The following WWOX variants were observed in gnomAD, a reference collection of about 807,000 sequenced individuals.
WWOX encodes the protein WW domain containing oxidoreductase.
In WWOX, 69 loss-of-function variants were observed where a neutral mutation model predicts 46.2. That is an observed-to-expected ratio of 1.49 (90% confidence interval 1.23 to 1.82). The LOEUF (loss-of-function observed/expected upper bound fraction) is 1.82, where lower values mean the gene tolerates loss of function less well. Ranked by LOEUF, WWOX falls within the 40% of genes most tolerant of loss-of-function variation. The pLI, the probability that WWOX is intolerant of heterozygous loss-of-function variation, is 0.00. For missense variants in WWOX, 919 were observed against 542.6 expected (o/e 1.69, Z -6.89); for synonymous variants, 359 against 202.6 (o/e 1.77, Z -6.56).
chr16:78,255,738 C>T (rs892420468), intron 5 of WWOX, among the ~76,000 whole-genome samples: 17 of 152,126 alleles, frequency 1.1e-4, no homozygotes, highest in Non-Finnish European at 7.4e-5. Flanking sequence ...ATTGAACATC[C>T]ACAATAGCCA....
At chr16:79,020,411 T>A (rs1200290507) in intron 8 of WWOX, among the ~76,000 whole-genome samples, 1 of 152,168 alleles carries the variant, frequency 6.6e-6, no homozygotes, top group Admixed American at 6.5e-5. Context: ...CCATGAGCGA[T>A]AACTTAACCT....
intron 8 of WWOX, among the ~76,000 whole-genome samples, chr16:79,088,904 A>G (rs2048901791): frequency 6.6e-6 from 1 of 152,152 alleles, no homozygotes; most frequent in South Asian, 2.1e-4. Context: ...TTTCCAAAGG[A>G]TACTTCCTAT....
chr16:79,072,364 C>T (rs897441764), intron 8 of WWOX, among the ~76,000 whole-genome samples: 1 of 152,124 alleles, frequency 6.6e-6, no homozygotes, highest in Non-Finnish European at 1.5e-5. Context: ...ACATTTCCTG[C>T]AAAGTTGCAC....
intron 5 of WWOX, among the ~76,000 whole-genome samples, chr16:78,195,323 A>G (rs1234665518): frequency 6.6e-6 from 1 of 152,096 alleles, no homozygotes; most frequent in Non-Finnish European, 1.5e-5. Context: ...CCCTAAGACC[A>G]TGAACTTCTT....
chr16:78,711,838 G>C (rs867650481), intron 8 of WWOX, among the ~76,000 whole-genome samples: 1 of 152,074 alleles, frequency 6.6e-6, no homozygotes, highest in African/African-American at 2.4e-5. Flanking sequence ...CACGAGTATT[G>C]ATCACAATTA....
intron 8 of WWOX, among the ~76,000 whole-genome samples, chr16:78,527,727 A>C (rs866375869): frequency 1.3e-5 from 2 of 151,644 alleles, no homozygotes. Context: ...CCTCATGAAC[A>C]GGTTCTTGAT....
At chr16:78,620,354 G>A (rs1277343215) in intron 8 of WWOX, among the ~76,000 whole-genome samples, 2 of 152,166 alleles carry the variant, frequency 1.3e-5, no homozygotes, top group Admixed American at 6.5e-5. Context: ...CTATCAATCA[G>A]GTGCTTAGGT....
chr16:78,751,461 T>TTTTATATATATATATATA (rs368019503), intron 8 of WWOX, among the ~76,000 whole-genome samples: 1 of 128,438 alleles, frequency 7.8e-6, no homozygotes, highest in Non-Finnish European at 1.6e-5. Flanking sequence ...TTATCAGATT[T>TTTTATATATATATATATA]TATATATATA....
chr16:78,360,096 G>T (rs145751007), intron 5 of WWOX, among the ~76,000 whole-genome samples: 20 of 152,196 alleles, frequency 1.3e-4, no homozygotes, highest in African/African-American at 4.3e-4. Context: ...TCCCCCAAAA[G>T]AAAAACACAT....
At chr16:78,816,432 G>C (rs2051331561) in intron 8 of WWOX, among the ~76,000 whole-genome samples, 1 of 150,830 alleles carries the variant, frequency 6.6e-6, no homozygotes, top group African/African-American at 2.4e-5. Flanking sequence ...AATAGAAATG[G>C]AGGGCTTTTA....
intron 5 of WWOX, among the ~76,000 whole-genome samples, chr16:78,215,902 G>A (rs1365095265): frequency 6.6e-6 from 1 of 151,542 alleles, no homozygotes; most frequent in African/African-American, 2.4e-5. Flanking sequence ...CTCTAGCCTG[G>A]GTGATTCCAT....
In WWOX at chr16:78,561,323, T is replaced by A. The variant is rs186185355; in HGVS notation, c.1056+128571T>A. On this transcript the variant is annotated intron_variant, in intron 8 of 8. Coordinates refer to ENST00000566780, the MANE Select transcript of WWOX (RefSeq NM_016373.4). Reference sequence around the variant, plus strand: ...TTTCAAGGGCTCAGAAACTCTCTCATGCATGTAGTTCCCTCCTGCTTTGAA... The same window carrying A: ...TTTCAAGGGCTCAGAAACTCTCTCAAGCATGTAGTTCCCTCCTGCTTTGAA... Among the ~76,000 whole-genome samples, 314 of 152,302 alleles carry A rather than the reference T, an allele frequency of 2.1e-3. 1 individual carries two copies. Among genetic ancestry groups the A allele is most frequent in the African/African-American group, 7.3e-3 (303 of 41,556 alleles).
At chr16:78,548,856 C>G (rs575029385) in intron 8 of WWOX, among the ~76,000 whole-genome samples, 20 of 152,216 alleles carry the variant, frequency 1.3e-4, no homozygotes, top group African/African-American at 4.3e-4. Context: ...ATGCTGTAAC[C>G]TCATTAACAT....
chr16:79,093,455 T>A (rs555077870), intron 8 of WWOX, among the ~76,000 whole-genome samples: 2 of 152,338 alleles, frequency 1.3e-5, no homozygotes, highest in Non-Finnish European at 2.9e-5. Flanking sequence ...ATAGAGCTTT[T>A]ATTTGCCTAA....
chr16:78,216,224 A>G (rs141539873), intron 5 of WWOX, among the ~76,000 whole-genome samples: 1 of 152,240 alleles, frequency 6.6e-6, no homozygotes, highest in Non-Finnish European at 1.5e-5. Flanking sequence ...AGTAATAATG[A>G]TAATAGATAC....
chr16:78,970,243 C>G (rs780317545), intron 8 of WWOX, among the ~76,000 whole-genome samples: 2 of 152,186 alleles, frequency 1.3e-5, no homozygotes, highest in African/African-American at 2.4e-5. Context: ...GGTGTTGGCT[C>G]TCAGTTAGAG....
Position 78,105,275 on chromosome 16 carries a change from A to G in WWOX, c.108-3148A>G, listed in dbSNP as rs111656037. Among the ~76,000 whole-genome samples, 591 of 152,320 alleles carry G rather than the reference A, an allele frequency of 3.9e-3. 1 individual carries two copies. The highest frequency in any genetic ancestry group is 0.014 in the African/African-American group (570 of 41,558). On this transcript the variant is annotated intron_variant, in intron 1 of 8. Transcript: ENST00000566780. ...TCAGGAGTTCGAGACCTGCCTGGCC[A>G]ACATGGTGAAACCCCATCTCTACTA...
intron 8 of WWOX, among the ~76,000 whole-genome samples, chr16:78,735,904 T>C (rs552824240): frequency 6.8e-6 from 1 of 147,008 alleles, no homozygotes; most frequent in Non-Finnish European, 1.5e-5. Flanking sequence ...AGAAACCGTA[T>C]ACCCAGTGTT....
At chr16:79,148,973 A>C (rs1016340438) in intron 8 of WWOX, among the ~76,000 whole-genome samples, 1 of 152,108 alleles carries the variant, frequency 6.6e-6, no homozygotes, top group African/African-American at 2.4e-5. Context: ...CTAGCCTGTC[A>C]TGTCATATGC....
Sources: allele counts gnomAD v4.1 joint callset (sites outside exome capture counted in the v4.1 genomes callset), GRCh38; gene constraint gnomAD v4.1.1; transcripts MANE v1.5; gene names NCBI Gene and HGNC (gene_info 2026-07-23, HGNC 2026-07-21).